UGT1A10: variants seen among roughly 807,000 people sequenced by gnomAD.
UGT1A10 encodes UDP glucuronosyltransferase family 1 member A10, also known as UDP-glucuronosyltransferase 1A10.
UGT1A10 carries 49 observed loss-of-function variants against 45.8 expected under a neutral mutation model. The ratio of observed to expected loss-of-function variants is 1.07; its 90% CI spans 0.85 to 1.36. UGT1A10 has a LOEUF of 1.36. Ranked by LOEUF, UGT1A10 falls within the 40% of genes most tolerant of loss-of-function variation. The pLI is 0.00. For missense variants in UGT1A10, 745 were observed against 668.6 expected (o/e 1.11, Z -1.26); for synonymous variants, 284 against 249.7 (o/e 1.14, Z -1.29).
intron 1 of UGT1A10, among the ~76,000 whole-genome samples, chr2:233,707,198 T>C (rs2075948022): frequency 1.3e-5 from 2 of 152,230 alleles, no homozygotes; most frequent in African/African-American, 4.8e-5. Context: ...CTCCGTTCTA[T>C]TCCCTTTCCA....
rs1285354199 is a variant in UGT1A10 at position 233,768,247 on chromosome 2, C to T, written c.1103C>T (p.Thr368Ile). The part of the protein sequence containing the change: ...LGHPMTRAFI[T>I]HAGSHGVYES... ...CACCCGATGACCCGTGCCTTTATCA[C>T]CCATGCTGGTTCCCATGGTGTTTAT... Residue 368 changes from threonine to isoleucine, a missense_variant, in exon 4 of 5, where the codon ACC (threonine) becomes ATC (isoleucine). By Grantham distance (89) the Thr-to-Ile change is moderately conservative (BLOSUM62 -1). Coordinates refer to ENST00000344644, the MANE Select transcript of UGT1A10 (RefSeq NM_019075.4). 4 of 1,614,056 alleles carry T rather than the reference C, an allele frequency of 2.5e-6. No individual in the cohort carries two copies. Among genetic ancestry groups the T allele is most frequent in the Non-Finnish European group, 3.4e-6 (4 of 1,180,046 alleles).
Position 233,689,259 on chromosome 2 carries a change from A to G in UGT1A10, c.855+51882A>G, listed in dbSNP as rs375419238. Among the ~76,000 whole-genome samples, 6 of 152,328 alleles carry G rather than the reference A, an allele frequency of 3.9e-5. No homozygotes were observed. The South Asian group carries it at 1.2e-3, about 32-fold the overall frequency. On this transcript the variant is annotated intron_variant, in intron 1 of 4. Coordinates refer to ENST00000344644, the MANE Select transcript of UGT1A10 (RefSeq NM_019075.4). ...ATCTGTGAGTGATTCAGACTTGACTATTGTTATCATACTAAACTAAACTGG... is the reference window on the plus strand; with the variant it reads ...ATCTGTGAGTGATTCAGACTTGACTGTTGTTATCATACTAAACTAAACTGG...
chr2:233,733,965 G>T (rs1401939828), intron 1 of UGT1A10, among the ~76,000 whole-genome samples: 1 of 152,058 alleles, frequency 6.6e-6, no homozygotes, highest in Non-Finnish European at 1.5e-5. Flanking sequence ...GTGGGGTAGG[G>T]GGAGCGGGGA....
intron 1 of UGT1A10, among the ~76,000 whole-genome samples, chr2:233,749,910 CTG>C: frequency 6.6e-6 from 1 of 152,052 alleles, no homozygotes; most frequent in Non-Finnish European, 1.5e-5. Context: ...CCACCTGGAA[CTG>C]TGAGTCAATT....
intron 1 of UGT1A10, among the ~76,000 whole-genome samples, chr2:233,675,932 A>G (rs2074339491): frequency 6.6e-6 from 1 of 152,192 alleles, no homozygotes; most frequent in Admixed American, 6.5e-5. Context: ...TATCTCATTT[A>G]CAGTCCATAA....
chr2:233,760,609 C>T lies in UGT1A10; in HGVS notation c.856-6425C>T, dbSNP rs587784538. 50 of 1,614,060 alleles carry T rather than the reference C, an allele frequency of 3.1e-5. 1 individual carries two copies. The South Asian group carries it at 3.7e-4, about 12-fold the overall frequency. On this transcript the variant is annotated intron_variant, in intron 1 of 4. Transcript: ENST00000344644. Reference sequence around the variant, plus strand: ...TTTTGAGAATGATTCTTTCCTGCAGCGTGTGATCAAAACATACAAGAAAAT... The same window carrying T: ...TTTTGAGAATGATTCTTTCCTGCAGTGTGTGATCAAAACATACAAGAAAAT...
At chr2:233,644,891 AC>A (rs34153171) in intron 1 of UGT1A10, among the ~76,000 whole-genome samples, 5 of 151,778 alleles carry the variant, frequency 3.3e-5, no homozygotes, top group Admixed American at 2.0e-4. Context: ...ATAGTTGCTA[AC>A]TTGGTGTCTT....
intron 1 of UGT1A10, among the ~76,000 whole-genome samples, chr2:233,731,261 T>C (rs1490710727): frequency 2.6e-5 from 4 of 151,726 alleles, no homozygotes; most frequent in Non-Finnish European, 4.4e-5. Flanking sequence ...AAATAGTGAC[T>C]GTTGCCCTTC....
intron 1 of UGT1A10, chr2:233,761,121 C>T (rs1672783934): frequency 6.2e-7 from 1 of 1,614,054 alleles, no homozygotes; most frequent in South Asian, 1.1e-5. Context: ...TTGGTGGAAT[C>T]AACTGCCTTC....
chr2:233,724,281 C>CA (rs1553611764), intron 1 of UGT1A10, among the ~76,000 whole-genome samples: 3 of 111,954 alleles, frequency 2.7e-5, no homozygotes, highest in South Asian at 3.3e-4. Flanking sequence ...GCTGGCCGGG[C>CA]GGGGGGCTGA....
chr2:233,726,986 T>C (rs749944838), intron 1 of UGT1A10, among the ~76,000 whole-genome samples: 1 of 152,226 alleles, frequency 6.6e-6, no homozygotes, highest in Non-Finnish European at 1.5e-5. Flanking sequence ...TTTGATGAGG[T>C]TCTTTCTAGC....
Position 233,681,763 on chromosome 2 carries a change from A to G in UGT1A10, c.855+44386A>G. 5 of 908,700 alleles carry G rather than the reference A, an allele frequency of 5.5e-6. 1 individual carries two copies. In the South Asian group the frequency reaches 2.5e-4, roughly 46 times the overall value. The allele number at this position is 908,700 out of a possible 1,614,324, so 56.3% of individuals were successfully genotyped here. ...AAACATATAAGCAGGTATCTCAGCAAAGGCTACTCATGTATTATTATGAGT... is the reference window on the plus strand; with the variant it reads ...AAACATATAAGCAGGTATCTCAGCAGAGGCTACTCATGTATTATTATGAGT... On this transcript the variant is annotated intron_variant, in intron 1 of 4. Transcript: ENST00000344644.
At chr2:233,738,562 T>A (rs1039423006) in intron 1 of UGT1A10, among the ~76,000 whole-genome samples, 1 of 152,186 alleles carries the variant, frequency 6.6e-6, no homozygotes, top group Admixed American at 6.5e-5. Context: ...AGATGAGGAA[T>A]CTGTTGAGAA....
chr2:233,668,258 A>C (rs890181150), intron 1 of UGT1A10, among the ~76,000 whole-genome samples: 2 of 151,834 alleles, frequency 1.3e-5, no homozygotes, highest in African/African-American at 4.8e-5. Context: ...CCCTGTGTCC[A>C]AGTGTTCTCA....
At chr2:233,693,849 G>C (rs371810579) in intron 1 of UGT1A10, 9 of 1,614,082 alleles carry the variant, frequency 5.6e-6, no homozygotes, top group Non-Finnish European at 6.8e-6. Context: ...TGTAAGAAGA[G>C]GAAAGACTTG....
At chr2:233,770,330 A>G (rs757778787) in intron 4 of UGT1A10, 1 of 152,126 alleles carries the variant, frequency 6.6e-6, no homozygotes, top group East Asian at 1.9e-4. Flanking sequence ...ACCAGGCCAT[A>G]ATAGGTGCTC....
chr2:233,743,894 A>G, intron 1 of UGT1A10: 2 of 1,366,966 alleles, frequency 1.5e-6, no homozygotes, highest in Non-Finnish European at 9.8e-7. Context: ...GGGCACGTCC[A>G]GCACCTCGTA....
intron 1 of UGT1A10, among the ~76,000 whole-genome samples, chr2:233,742,519 G>A (rs1399638498): frequency 6.6e-6 from 1 of 151,888 alleles, no homozygotes; most frequent in Admixed American, 6.5e-5. Flanking sequence ...ACACGTCACA[G>A]TGCTGCAGAG....
At chr2:233,701,340 TG>T (rs1387825061) in intron 1 of UGT1A10, among the ~76,000 whole-genome samples, 2 of 151,724 alleles carry the variant, frequency 1.3e-5, no homozygotes, top group East Asian at 3.9e-4. Context: ...CCACCAACAG[TG>T]TAAAAGTTCT....
Sources: gnomAD v4.1 joint callset for allele counts (sites outside exome capture counted in the v4.1 genomes callset) on GRCh38, gnomAD v4.1.1 for gene constraint, MANE v1.5 for transcripts, NCBI Gene and HGNC (gene_info 2026-07-23, HGNC 2026-07-21) for gene names.